The following MEF2C variants were observed in gnomAD, a reference collection of about 807,000 sequenced individuals.
The protein encoded by MEF2C is myocyte-specific enhancer factor 2C.
A neutral mutation model predicts 50.5 loss-of-function variants in MEF2C; 6 were observed. The observed-to-expected ratio is 0.12, with a 90% confidence interval of 0.07 to 0.23. The LOEUF (loss-of-function observed/expected upper bound fraction) is 0.23. MEF2C is among the 10% of genes least tolerant of loss of function. The probability of loss-of-function intolerance (pLI) is 1.00; values close to 1 mark genes in which losing one functional copy is unlikely to be tolerated. For synonymous variants in MEF2C, 183 were observed against 228.0 expected (o/e 0.80, Z 1.78); for missense variants, 276 against 605.0 (o/e 0.46, Z 5.70).
At chr5:88,825,428 T>C (rs574016444) in intron 1 of MEF2C, 2 of 918,266 alleles carry the variant, frequency 2.2e-6, no homozygotes, top group Non-Finnish European at 1.3e-6. Context: ...TCATAATATG[T>C]ATGTTGAGTA....
chr5:88,732,687 G>C (rs1293276221), intron 6 of MEF2C: 1 of 152,060 alleles, frequency 6.6e-6, no homozygotes, highest in East Asian at 1.9e-4. Context: ...CCCAAGGTCT[G>C]CGTTTTTCAT....
chr5:88,852,261 A>G (rs2153387932), intron 1 of MEF2C, among the ~76,000 whole-genome samples: 1 of 152,310 alleles, frequency 6.6e-6, no homozygotes, highest in South Asian at 2.1e-4. Context: ...AGTTAATTTT[A>G]AAGCTATTTC....
chr5:88,762,003 A>G (rs749791782), intron 3 of MEF2C: 1 of 152,264 alleles, frequency 6.6e-6, no homozygotes, highest in Non-Finnish European at 1.5e-5. Context: ...ACAGGTGGAA[A>G]GAAAAGTGAA....
chr5:88,743,564 A>T (rs1027019384), intron 6 of MEF2C: 98 of 978,876 alleles, frequency 1.0e-4, no homozygotes, highest in Non-Finnish European at 1.2e-4. Flanking sequence ...TGATTATATT[A>T]TCATAAAACA....
At chr5:88,734,565 GTTTTTTTT>G (rs66505441) in intron 6 of MEF2C, 5,823 of 538,890 alleles carry the variant, frequency 0.011, 1 homozygote, top group Middle Eastern at 0.012. Context: ...AGAAAAGTTT[GTTTTTTTT>G]TTTTTTTTTT....
Position 88,844,553 on chromosome 5 carries a change from T to G in MEF2C, c.-142-20623A>C, listed in dbSNP as rs552620092. ...GTTTTTGTTTTGTTTCTGCTTGGTT[T>G]TTTGTTACCACTCTTTGAAAACTGG... On this transcript the variant is annotated intron_variant, in intron 1 of 10. Coordinates refer to ENST00000504921, the MANE Select transcript of MEF2C (RefSeq NM_002397.5). The G allele has an allele frequency of 1.8e-5, 9 of 506,414 alleles. No individual in the cohort carries two copies. The East Asian group carries it at 1.1e-3, about 59-fold the overall frequency. 31.4% of individuals were successfully genotyped at this position (506,414 alleles called of 1,614,324 possible).
At chr5:88,872,383 T>A (rs1466061358) in intron 1 of MEF2C, among the ~76,000 whole-genome samples, 1 of 151,964 alleles carries the variant, frequency 6.6e-6, no homozygotes, top group Non-Finnish European at 1.5e-5. Context: ...AATAATATAT[T>A]TATTTAATAA....
At chr5:88,874,410 T>C (rs1178087765) in intron 1 of MEF2C, among the ~76,000 whole-genome samples, 1 of 151,966 alleles carries the variant, frequency 6.6e-6, no homozygotes, top group South Asian at 2.1e-4. Flanking sequence ...AATTTTTAAA[T>C]GTGTGTAATT....
At chr5:88,751,129 C>G in intron 5 of MEF2C, 1 of 976,630 alleles carries the variant, frequency 1.0e-6, no homozygotes, top group Non-Finnish European at 1.2e-6. Flanking sequence ...AATCCAGTAT[C>G]AAAATAGACA....
chr5:88,804,902 G>T, intron 2 of MEF2C, 101 bp from the exon 3 acceptor site: 1 of 868,626 alleles, frequency 1.2e-6, no homozygotes. Context: ...ATGGTGTGTA[G>T]TTGTCAGAGC....
intron 3 of MEF2C, among the ~76,000 whole-genome samples, chr5:88,765,953 C>T (rs1054197573): frequency 2.0e-5 from 3 of 152,150 alleles, no homozygotes; most frequent in Non-Finnish European, 4.4e-5. Flanking sequence ...ACAGAGGCTT[C>T]TGGGATATTT....
chr5:88,830,466 T>C (rs1181573590), intron 1 of MEF2C, among the ~76,000 whole-genome samples: 1 of 152,094 alleles, frequency 6.6e-6, no homozygotes, highest in Non-Finnish European at 1.5e-5. Context: ...CTTTATACAA[T>C]TGTATTGCAT....
chr5:88,758,067 C>G (rs1027302714), intron 4 of MEF2C, among the ~76,000 whole-genome samples: 1 of 152,162 alleles, frequency 6.6e-6, no homozygotes, highest in Non-Finnish European at 1.5e-5. Flanking sequence ...CCTTGAGAGG[C>G]TTTGCCATTC....
intron 3 of MEF2C, among the ~76,000 whole-genome samples, chr5:88,788,178 G>GTTTGTTTATTTATTTA (rs71613095): frequency 2.6e-4 from 23 of 89,204 alleles, no homozygotes; most frequent in African/African-American, 4.2e-4. Flanking sequence ...TTGTTTGTTT[G>GTTTGTTTATTTATTTA]TTTATTTATT....
chr5:88,755,053 T>C (rs1372311775), intron 4 of MEF2C, among the ~76,000 whole-genome samples: 3 of 152,202 alleles, frequency 2.0e-5, no homozygotes, highest in Non-Finnish European at 4.4e-5. Flanking sequence ...TCCTGATCTC[T>C]TTCTCCTGCT....
chr5:88,873,072 C>G (rs933025575), intron 1 of MEF2C, among the ~76,000 whole-genome samples: 1 of 151,890 alleles, frequency 6.6e-6, no homozygotes, highest in Non-Finnish European at 1.5e-5. Flanking sequence ...CACACACACT[C>G]ACACCGTTGG....
chr5:88,873,884 C>A (rs1830324455), intron 1 of MEF2C, among the ~76,000 whole-genome samples: 1 of 151,658 alleles, frequency 6.6e-6, no homozygotes, highest in African/African-American at 2.4e-5. Context: ...TAAAAATAGA[C>A]AAATTTGTTA....
intron 6 of MEF2C, chr5:88,742,793 C>T: frequency 1.0e-6 from 1 of 985,194 alleles, no homozygotes; most frequent in South Asian, 4.7e-5. Context: ...AATGGTTTAT[C>T]TATAATTTGC....
chr5:88,877,764 A>T (rs1393992149), intron 1 of MEF2C, among the ~76,000 whole-genome samples: 1 of 152,026 alleles, frequency 6.6e-6, no homozygotes, highest in African/African-American at 2.4e-5. Context: ...TATTTCACGC[A>T]TGAATGTTAA....
Sources: allele counts gnomAD v4.1 joint callset (sites outside exome capture counted in the v4.1 genomes callset), GRCh38; gene constraint gnomAD v4.1.1; transcripts MANE v1.5; gene names NCBI Gene and HGNC (gene_info 2026-07-23, HGNC 2026-07-21).